BST1: variants seen among roughly 807,000 people sequenced by gnomAD.
The protein encoded by BST1 is bone marrow stromal cell antigen 1.
In BST1, 49 loss-of-function variants were observed where a neutral mutation model predicts 40.6. That is an observed-to-expected ratio of 1.21 (90% CI 0.96 to 1.53). The LOEUF is 1.53. Among genes scored for constraint, BST1 ranks in the 40% most tolerant of loss-of-function variants. The pLI is 0.00. For synonymous variants in BST1, 157 were observed against 159.3 expected (o/e 0.99, Z 0.11); for missense variants, 423 against 395.9 (o/e 1.07, Z -0.58).
Position 15,731,998 on chromosome 4 carries a change from T to C in BST1, c.*153T>C, listed in dbSNP as rs1215638657. On this transcript the variant is annotated 3_prime_UTR_variant, in exon 9 of 9. Coordinates refer to ENST00000265016, the MANE Select transcript of BST1 (RefSeq NM_004334.3). The stretch of plus-strand genomic sequence containing the variant: ...GAAAATGGTATTTCAATGAGGCATA[T>C]GTTCAGGATTTCAGAAACAAGAAGT... The C allele has an allele frequency of 2.2e-6, 3 of 1,353,700 alleles. No homozygotes were observed. The highest frequency in any genetic ancestry group is 2.9e-6 in the Non-Finnish European group (3 of 1,050,124). The allele number at this position is 1,353,700 out of a possible 1,614,324, so 83.9% of individuals were successfully genotyped here.
the BST1 span, among the ~76,000 whole-genome samples, chr4:15,767,184 G>C: frequency 6.7e-6 from 1 of 150,204 alleles, no homozygotes; most frequent in Non-Finnish European, 1.5e-5. Flanking sequence ...GCAGAAAATG[G>C]ATATGCCCGA....
chr4:15,772,007 G>GTCTCTCTCTCTCTCTCTCTC, the BST1 span, among the ~76,000 whole-genome samples: 341 of 148,848 alleles, frequency 2.3e-3, 2 homozygotes, highest in African/African-American at 8.0e-3. Context: ...AACAATGAAG[G>GTCTCTCTCTCTCTCTCTCTC]TCTCTCTCTC....
the BST1 span, among the ~76,000 whole-genome samples, chr4:15,749,221 C>T: frequency 6.6e-6 from 1 of 152,158 alleles, no homozygotes; most frequent in Admixed American, 6.5e-5. Flanking sequence ...TATTGGAAGT[C>T]AGAGAAGGCT....
chr4:15,737,430 C>T (rs1017590220), downstream of BST1, among the ~76,000 whole-genome samples: 4 of 152,154 alleles, frequency 2.6e-5, no homozygotes, highest in Non-Finnish European at 4.4e-5. Flanking sequence ...CCAAGGTCAC[C>T]TCTCTTGGCC....
chr4:15,706,321 G>A (rs1719879788), intron 2 of BST1, among the ~76,000 whole-genome samples: 1 of 152,188 alleles, frequency 6.6e-6, no homozygotes, highest in Non-Finnish European at 1.5e-5. Context: ...TCCACATCTG[G>A]CCAGTTCTAA....
At chr4:15,758,050 G>A in the BST1 span, among the ~76,000 whole-genome samples, 64 of 152,038 alleles carry the variant, frequency 4.2e-4, no homozygotes, top group Middle Eastern at 3.4e-3. Flanking sequence ...GTATATTTCT[G>A]GATACAACGT....
At position 15,722,838 on chromosome 4, in the gene BST1, T is replaced by C. The variant is rs1404501764; in HGVS notation, c.792-37T>C. 15 of 1,584,364 alleles carry C rather than the reference T, an allele frequency of 9.5e-6. No homozygotes were observed. In the Admixed American group the frequency reaches 2.3e-4, roughly 25 times the overall value. On this transcript the variant is annotated intron_variant, in intron 7 of 8. Transcript: ENST00000265016. ...ATAAATGGTTGATGGATGAAAGTTA[T>C]TTAAATAATCCCTTAAATATTATTT...
chr4:15,736,926 G>C (rs1721591190), downstream of BST1, among the ~76,000 whole-genome samples: 2 of 152,126 alleles, frequency 1.3e-5, no homozygotes, highest in South Asian at 2.1e-4. Flanking sequence ...TGAGAACCTT[G>C]GGTTTGGGGA....
At chr4:15,770,823 C>A in the BST1 span, among the ~76,000 whole-genome samples, 1 of 152,256 alleles carries the variant, frequency 6.6e-6, no homozygotes, top group African/African-American at 2.4e-5. Flanking sequence ...ACATTCAGCT[C>A]TGTTCCCTAT....
At chr4:15,747,473 A>T in the BST1 span, among the ~76,000 whole-genome samples, 1 of 152,008 alleles carries the variant, frequency 6.6e-6, no homozygotes, top group African/African-American at 2.4e-5. Context: ...CAGAATATAA[A>T]CCACTTCGGA....
At chr4:15,722,557 A>C (rs1056160964) in intron 7 of BST1, among the ~76,000 whole-genome samples, 6 of 150,918 alleles carry the variant, frequency 4.0e-5, no homozygotes, top group African/African-American at 9.8e-5. Flanking sequence ...AGCTGAGACT[A>C]TAGGCATGAG....
At chr4:15,764,157 G>A in the BST1 span, among the ~76,000 whole-genome samples, 2 of 151,890 alleles carry the variant, frequency 1.3e-5, 1 homozygote, top group Non-Finnish European at 2.9e-5. Flanking sequence ...TAGGGAGAAG[G>A]GAGAATAGGA....
At chr4:15,711,493 G>C (rs1278355726) in intron 3 of BST1, among the ~76,000 whole-genome samples, 5 of 152,112 alleles carry the variant, frequency 3.3e-5, no homozygotes, top group Non-Finnish European at 7.4e-5. Context: ...TTTAAACATT[G>C]TTGAGAAATA....
the BST1 span, among the ~76,000 whole-genome samples, chr4:15,752,171 AT>A: frequency 2.3e-4 from 35 of 152,276 alleles, no homozygotes; most frequent in African/African-American, 7.9e-4. Context: ...TAAATGGGCA[AT>A]TGTGCATATG....
the BST1 span, among the ~76,000 whole-genome samples, chr4:15,772,482 G>A: frequency 6.6e-6 from 1 of 152,136 alleles, no homozygotes; most frequent in East Asian, 1.9e-4. Flanking sequence ...TGATCCCAGG[G>A]TACTAAGAGA....
chr4:15,765,454 G>A, the BST1 span, among the ~76,000 whole-genome samples: 24 of 151,986 alleles, frequency 1.6e-4, no homozygotes, highest in South Asian at 3.5e-3. Context: ...CCCCACTTCC[G>A]TTTCTGCTCA....
At position 15,715,696 on chromosome 4, in the gene BST1, A is replaced by G; in HGVS notation, c.612-11A>G. On this transcript the variant is annotated splice_polypyrimidine_tract_variant and intron_variant, in intron 5 of 8. Coordinates refer to ENST00000265016, the MANE Select transcript of BST1 (RefSeq NM_004334.3). Reference sequence around the variant, plus strand: ...TCATATTGCTTTAGGGCTTCAAGAAATGTTTCTCAGTTTTTTTGCAGATTA... The same window carrying G: ...TCATATTGCTTTAGGGCTTCAAGAAGTGTTTCTCAGTTTTTTTGCAGATTA... 6.4e-7 allele frequency: 1 copy of G among 1,558,450 alleles called. No individual in the cohort carries two copies. Among genetic ancestry groups the G allele is most frequent in the Non-Finnish European group, 8.8e-7 (1 of 1,142,812 alleles).
chr4:15,771,950 AAAGC>A, the BST1 span, among the ~76,000 whole-genome samples: 1 of 152,204 alleles, frequency 6.6e-6, no homozygotes, highest in Non-Finnish European at 1.5e-5. Context: ...GTATGTGAGG[AAAGC>A]CAGGTACACA....
chr4:15,704,993 G>T, intron 1 of BST1: 1 of 765,334 alleles, frequency 1.3e-6, no homozygotes, highest in South Asian at 1.4e-5. Flanking sequence ...CAAATGCTAT[G>T]GGAAATATTT....
Sources: allele counts gnomAD v4.1 joint callset (sites outside exome capture counted in the v4.1 genomes callset), GRCh38; gene constraint gnomAD v4.1.1; transcripts MANE v1.5; gene names NCBI Gene and HGNC (gene_info 2026-07-23, HGNC 2026-07-21).